Variants in PARM1 observed in about 807,000 individuals in gnomAD.
PARM1 encodes the protein WSC4, cell wall integrity and stress response component 4 homolog.
A neutral mutation model predicts 24.6 loss-of-function variants in PARM1; 14 were observed. The ratio of observed to expected loss-of-function variants is 0.57; its 90% CI spans 0.38 to 0.89. PARM1 has a LOEUF of 0.89. Among genes scored for constraint, PARM1 ranks in the 40% least tolerant of loss-of-function variants. The pLI, the probability that PARM1 is intolerant of heterozygous loss-of-function variation, is 0.00. For missense variants in PARM1, 362 were observed against 380.4 expected (o/e 0.95, Z 0.40); for synonymous variants, 179 against 156.6 (o/e 1.14, Z -1.07).
At chr4:75,028,352 C>T (rs1489086421) in intron 2 of PARM1, among the ~76,000 whole-genome samples, 1 of 152,194 alleles carries the variant, frequency 6.6e-6, no homozygotes, top group Non-Finnish European at 1.5e-5. Flanking sequence ...CCAGCACATC[C>T]ACAGATACAT....
chr4:75,034,728 A>G (rs1723335854), intron 3 of PARM1: 1 of 152,268 alleles, frequency 6.6e-6, no homozygotes, highest in African/African-American at 2.4e-5. Flanking sequence ...TGCAGTGCCC[A>G]TAACAAAGGA....
At chr4:74,960,749 T>C (rs1721752609) in intron 1 of PARM1, among the ~76,000 whole-genome samples, 1 of 151,860 alleles carries the variant, frequency 6.6e-6, no homozygotes, top group Non-Finnish European at 1.5e-5. Flanking sequence ...TTAAAGGTGC[T>C]CAAAGACACA....
At chr4:74,964,249 G>C (rs952461976) in intron 1 of PARM1, among the ~76,000 whole-genome samples, 2 of 152,130 alleles carry the variant, frequency 1.3e-5, no homozygotes, top group Non-Finnish European at 2.9e-5. Context: ...TTGCCCTCCT[G>C]AGCGCTTACC....
chr4:75,016,483 T>G (rs916889189), intron 2 of PARM1, among the ~76,000 whole-genome samples: 3 of 152,108 alleles, frequency 2.0e-5, no homozygotes, highest in Non-Finnish European at 4.4e-5. Flanking sequence ...GATGCTGAGG[T>G]TTGGGGTACA....
chr4:74,951,778 T>G (rs1468201416), intron 1 of PARM1, among the ~76,000 whole-genome samples: 1 of 152,214 alleles, frequency 6.6e-6, no homozygotes, highest in Non-Finnish European at 1.5e-5. Flanking sequence ...CATCCTGTTT[T>G]AAGGCTGCAT....
At chr4:74,940,786 C>T (rs771205873) in intron 1 of PARM1, among the ~76,000 whole-genome samples, 2 of 152,146 alleles carry the variant, frequency 1.3e-5, no homozygotes, top group East Asian at 1.9e-4. Context: ...TCAGGAAGAA[C>T]AGTAACAATT....
intron 1 of PARM1, among the ~76,000 whole-genome samples, chr4:74,952,030 T>C (rs1024933208): frequency 6.6e-6 from 1 of 152,242 alleles, no homozygotes; most frequent in Non-Finnish European, 1.5e-5. Flanking sequence ...TCCACAATAG[T>C]TGAACTAATT....
At chr4:75,038,881 T>C (rs2109812993) in intron 3 of PARM1, among the ~76,000 whole-genome samples, 1 of 152,358 alleles carries the variant, frequency 6.6e-6, no homozygotes, top group African/African-American at 2.4e-5. Flanking sequence ...GATGTGGATG[T>C]TGCTGTAATT....
intron 1 of PARM1, among the ~76,000 whole-genome samples, chr4:74,998,269 G>C (rs1302202912): frequency 6.6e-6 from 1 of 152,204 alleles, no homozygotes; most frequent in Admixed American, 6.5e-5. Context: ...GTGTACCCAA[G>C]TAGTGATTTA....
intron 3 of PARM1, among the ~76,000 whole-genome samples, chr4:75,040,552 T>C (rs1321563291): frequency 6.6e-6 from 1 of 152,242 alleles, no homozygotes; most frequent in Non-Finnish European, 1.5e-5. Flanking sequence ...ACTCTGCCAC[T>C]AACTTGCTGT....
At chr4:75,016,994 G>T (rs957116490) in intron 2 of PARM1, among the ~76,000 whole-genome samples, 3 of 152,076 alleles carry the variant, frequency 2.0e-5, no homozygotes, top group Non-Finnish European at 4.4e-5. Context: ...TCAATTCTCA[G>T]CCTGTGCCCC....
chr4:75,011,456 G>A (rs1033019198), intron 1 of PARM1, among the ~76,000 whole-genome samples: 7 of 151,954 alleles, frequency 4.6e-5, no homozygotes, highest in African/African-American at 1.5e-4. Flanking sequence ...CAAATGACTG[G>A]GGGAAATACT....
At chr4:74,980,169 T>C (rs1333873764) in intron 1 of PARM1, among the ~76,000 whole-genome samples, 2 of 152,140 alleles carry the variant, frequency 1.3e-5, no homozygotes, top group African/African-American at 4.8e-5. Flanking sequence ...AGAGAAAAAG[T>C]CAAACTGTCT....
intron 2 of PARM1, among the ~76,000 whole-genome samples, chr4:75,014,263 G>GT (rs2109796098): frequency 6.6e-6 from 1 of 152,312 alleles, no homozygotes; most frequent in South Asian, 2.1e-4. Context: ...ATTCCTCATG[G>GT]AAGAGCTCAC....
intron 2 of PARM1, among the ~76,000 whole-genome samples, chr4:75,032,200 G>A (rs1386655670): frequency 1.3e-5 from 2 of 152,308 alleles, no homozygotes; most frequent in East Asian, 3.9e-4. Flanking sequence ...GCTCTGAAAC[G>A]GTTGAATATG....
intron 1 of PARM1, 58 bp downstream of exon 1, chr4:74,933,428 G>A (rs1578017730): frequency 2.0e-6 from 3 of 1,485,526 alleles, no homozygotes; most frequent in East Asian, 4.5e-5. Context: ...AGTAGCTAGC[G>A]CGTGGTCGGG....
intron 1 of PARM1, among the ~76,000 whole-genome samples, chr4:74,975,625 T>A (rs1224037797): frequency 6.6e-6 from 1 of 152,252 alleles, no homozygotes; most frequent in Non-Finnish European, 1.5e-5. Flanking sequence ...TTTGTTATAT[T>A]AATTATATTC....
chr4:74,951,188 A>T (rs1266150614), intron 1 of PARM1, among the ~76,000 whole-genome samples: 2 of 152,244 alleles, frequency 1.3e-5, no homozygotes, highest in Non-Finnish European at 2.9e-5. Context: ...AGTAGCAGGT[A>T]TACTATGTTA....
chr4:75,042,176 G>A (rs1243728972), intron 3 of PARM1, among the ~76,000 whole-genome samples: 1 of 152,148 alleles, frequency 6.6e-6, no homozygotes. Context: ...CATATAAGCA[G>A]TTATCATCAA....
Sources: gnomAD v4.1 joint callset for allele counts (sites outside exome capture counted in the v4.1 genomes callset) on GRCh38, gnomAD v4.1.1 for gene constraint, MANE v1.5 for transcripts, NCBI Gene and HGNC (gene_info 2026-07-23, HGNC 2026-07-21) for gene names.